GRM8: variants seen among roughly 807,000 people sequenced by gnomAD.
The protein encoded by GRM8 is metabotropic glutamate receptor 8.
In GRM8, 47 loss-of-function variants were observed where a neutral mutation model predicts 87.2. The ratio of observed to expected loss-of-function variants is 0.54; its 90% CI spans 0.43 to 0.69. The LOEUF is 0.69. Ranked by LOEUF, GRM8 falls within the 30% of genes least tolerant of loss-of-function variation. The pLI is 0.00. For synonymous variants in GRM8, 396 were observed against 404.5 expected (o/e 0.98, Z 0.25); for missense variants, 1,019 against 1,139.2 (o/e 0.89, Z 1.52).
chr7:127,118,670 T>C (rs1163623224), intron 2 of GRM8, among the ~76,000 whole-genome samples: 1 of 152,248 alleles, frequency 6.6e-6, no homozygotes, highest in African/African-American at 2.4e-5. Flanking sequence ...CAAGACCAAG[T>C]AATTTGTAAA....
chr7:127,138,431 C>T (rs775615312), intron 2 of GRM8, among the ~76,000 whole-genome samples: 5 of 152,100 alleles, frequency 3.3e-5, no homozygotes, highest in Non-Finnish European at 7.3e-5. Flanking sequence ...GATCCTCATA[C>T]AAGAAATACT....
At chr7:126,729,046 C>A (rs924461687) in intron 7 of GRM8, among the ~76,000 whole-genome samples, 1 of 152,118 alleles carries the variant, frequency 6.6e-6, no homozygotes, top group Admixed American at 6.5e-5. Context: ...CCTCACCCTG[C>A]CATAAAGGCT....
chr7:126,983,840 A>G (rs548710030), intron 3 of GRM8, among the ~76,000 whole-genome samples: 54 of 152,292 alleles, frequency 3.5e-4, no homozygotes, highest in South Asian at 1.4e-3. Flanking sequence ...ACGGCCTGCT[A>G]AGGTGCTTGC....
chr7:126,620,909 A>G (rs1563022691), intron 7 of GRM8, among the ~76,000 whole-genome samples: 1 of 152,132 alleles, frequency 6.6e-6, no homozygotes, highest in Admixed American at 6.6e-5. Context: ...TTTTTTGTCA[A>G]GTTTATTCTT....
chr7:126,690,338 C>T (rs1417641284), intron 7 of GRM8, among the ~76,000 whole-genome samples: 1 of 152,206 alleles, frequency 6.6e-6, no homozygotes, highest in Non-Finnish European at 1.5e-5. Flanking sequence ...CAACTGTGCA[C>T]AGCCAGGCAC....
chr7:126,580,977 C>T (rs866453946), intron 8 of GRM8, among the ~76,000 whole-genome samples: 1 of 145,736 alleles, frequency 6.9e-6, no homozygotes, highest in African/African-American at 2.5e-5. Context: ...GAAAAAAAAA[C>T]AATTATCCTA....
Position 126,439,176 on chromosome 7 carries a change from G to C in GRM8, c.2678-8C>G, listed in dbSNP as rs778189174. 2.1e-6 allele frequency: 3 copies of C among 1,460,324 alleles called. No homozygotes were observed. Among genetic ancestry groups the C allele is most frequent in the African/African-American group, 1.4e-5 (1 of 72,092 alleles). The allele number at this position is 1,460,324 out of a possible 1,614,324, so 90.5% of individuals were successfully genotyped here. A position where few individuals can be genotyped will look rare whatever the true frequency, so the allele number is the denominator to read the frequency against. On this transcript the variant is annotated splice_region_variant and splice_polypyrimidine_tract_variant and intron_variant, in intron 10 of 10. Coordinates refer to ENST00000339582, the MANE Select transcript of GRM8 (RefSeq NM_000845.3). The stretch of plus-strand genomic sequence containing the variant: ...TTGTCTTGGTAGAGGAAGCTGTTAA[G>C]ATAAATGAGGACAAATTAAAATAGT...
chr7:126,517,810 T>C (rs566010620), intron 9 of GRM8, among the ~76,000 whole-genome samples: 1 of 152,048 alleles, frequency 6.6e-6, no homozygotes, highest in Non-Finnish European at 1.5e-5. Flanking sequence ...CTAAGGGAAA[T>C]AATTATTTTA....
intron 9 of GRM8, among the ~76,000 whole-genome samples, chr7:126,509,234 G>C (rs1435039947): frequency 6.6e-6 from 1 of 151,964 alleles, no homozygotes; most frequent in Non-Finnish European, 1.5e-5. Flanking sequence ...ATCGAAATAG[G>C]TAGGTTATTG....
At chr7:126,665,042 T>C (rs1004353960) in intron 7 of GRM8, among the ~76,000 whole-genome samples, 2 of 152,090 alleles carry the variant, frequency 1.3e-5, no homozygotes, top group Non-Finnish European at 2.9e-5. Flanking sequence ...ATCAGATAAA[T>C]GCAAATCAAA....
intron 10 of GRM8, chr7:126,445,213 G>A (rs1801889584): frequency 6.6e-6 from 1 of 151,970 alleles, no homozygotes. Context: ...CCAAAAGACT[G>A]GAAGCCACTC....
intron 9 of GRM8, among the ~76,000 whole-genome samples, chr7:126,502,793 G>C (rs1809843096): frequency 6.6e-6 from 1 of 151,972 alleles, no homozygotes; most frequent in Admixed American, 6.6e-5. Flanking sequence ...ATAATTTGGG[G>C]TGTCCAATAT....
intron 6 of GRM8, among the ~76,000 whole-genome samples, chr7:126,830,667 A>G (rs1008691411): frequency 6.6e-6 from 1 of 152,066 alleles, no homozygotes; most frequent in Non-Finnish European, 1.5e-5. Flanking sequence ...TGTAGCTCGG[A>G]GTAGTTTGAT....
Position 126,857,969 on chromosome 7 carries a change from AAAGGAAGG to A in GRM8, c.1156+44565_1156+44572del, listed in dbSNP as rs528175563. Among the ~76,000 whole-genome samples the A allele has an allele frequency of 2.2e-3, 340 of 152,230 alleles. 1 individual carries two copies. The highest frequency in any genetic ancestry group is 7.9e-3 in the African/African-American group (327 of 41,548). On this transcript the variant is annotated intron_variant, in intron 6 of 10. Transcript: ENST00000339582. ...GTCTAAAGAAGGGGAAGGAAGGATAAAAGGAAGGAAGGAAGAGAGGAAGGGAGGGAGAG... is the reference window on the plus strand; with the variant it reads ...GTCTAAAGAAGGGGAAGGAAGGATAAAAGGAAGAGAGGAAGGGAGGGAGAG...
chr7:127,124,216 A>G (rs192595502), intron 2 of GRM8, among the ~76,000 whole-genome samples: 1 of 152,190 alleles, frequency 6.6e-6, no homozygotes, highest in African/African-American at 2.4e-5. Context: ...TACCCTCTCC[A>G]TTGTCTTACC....
chr7:126,577,188 C>T (rs953644837), intron 8 of GRM8, among the ~76,000 whole-genome samples: 3 of 152,120 alleles, frequency 2.0e-5, no homozygotes, highest in South Asian at 2.1e-4. Context: ...AGGTTATCAC[C>T]CAATCTAGGC....
At chr7:126,574,544 G>C (rs532233368) in intron 8 of GRM8, among the ~76,000 whole-genome samples, 2 of 152,240 alleles carry the variant, frequency 1.3e-5, no homozygotes, top group African/African-American at 4.8e-5. Context: ...CTATTATACG[G>C]TCAGTGATGA....
At chr7:126,608,616 A>C (rs1054566661) in intron 8 of GRM8, among the ~76,000 whole-genome samples, 2 of 152,172 alleles carry the variant, frequency 1.3e-5, no homozygotes, top group African/African-American at 4.8e-5. Context: ...GCTGTTAAGT[A>C]ATCTGAACAT....
At chr7:126,671,900 T>C (rs1269018149) in intron 7 of GRM8, among the ~76,000 whole-genome samples, 1 of 152,168 alleles carries the variant, frequency 6.6e-6, no homozygotes. Flanking sequence ...GACCTTAGCA[T>C]TTGGCTTATG....
Sources: allele counts gnomAD v4.1 joint callset (sites outside exome capture counted in the v4.1 genomes callset), GRCh38; gene constraint gnomAD v4.1.1; transcripts MANE v1.5; gene names NCBI Gene and HGNC (gene_info 2026-07-23, HGNC 2026-07-21).